The following LRP8 variants were observed in gnomAD, a reference collection of about 807,000 sequenced individuals.
LRP8 encodes low-density lipoprotein receptor-related protein 8.
Under a neutral mutation model 111.6 loss-of-function variants are expected in LRP8, and 46 were observed. The observed-to-expected ratio is 0.41, with a 90% CI of 0.33 to 0.53. The LOEUF (loss-of-function observed/expected upper bound fraction) is 0.53, where lower values mean the gene tolerates loss of function less well. Ranked by LOEUF, LRP8 falls within the 20% of genes least tolerant of loss-of-function variation. The pLI, the probability that LRP8 is intolerant of heterozygous loss-of-function variation, is 0.20. For synonymous variants in LRP8, 464 were observed against 511.2 expected, an observed-to-expected ratio of 0.91 and a Z score of 1.24; for missense variants, 959 against 1,297.4, an observed-to-expected ratio of 0.74 and a Z score of 4.01.
intron 2 of LRP8, among the ~76,000 whole-genome samples, chr1:53,321,986 GGC>G (rs1193366181): frequency 6.6e-6 from 1 of 152,100 alleles, no homozygotes; most frequent in African/African-American, 2.4e-5. Flanking sequence ...CCCTGGCTGA[GGC>G]GAGCACCAGC....
chr1:53,268,302 C>T (rs1030180273), intron 8 of LRP8: 4 of 152,166 alleles, frequency 2.6e-5, no homozygotes, highest in Admixed American at 2.6e-4. Context: ...TGACAGGAAC[C>T]CCCTGTGTTT....
chr1:53,266,699 C>G lies in LRP8; in HGVS notation c.1253-52G>C. 6.4e-7 allele frequency: 1 copy of G among 1,556,606 alleles called. No homozygotes were observed. Among genetic ancestry groups the G allele is most frequent in the South Asian group, 1.1e-5 (1 of 89,108 alleles). On this transcript the variant is annotated intron_variant, in intron 8 of 18. Coordinates refer to ENST00000306052, the MANE Select transcript of LRP8 (RefSeq NM_004631.5). The surrounding 1 kb of genome is among the most constrained non-coding windows in gnomAD (Gnocchi z 5.0). ...AAGAGTCAGTGCAAGAGGCAGGGAG[C>G]CTGGAGACCAAGACTCTGCCACTGG...
chr1:53,326,858 T>G lies in LRP8; in HGVS notation c.244+15A>C, dbSNP rs749510912. 6.2e-7 allele frequency: 1 copy of G among 1,610,940 alleles called. No homozygotes were observed. The highest frequency in any genetic ancestry group is 8.5e-7 in the Non-Finnish European group (1 of 1,178,976). The stretch of plus-strand genomic sequence containing the variant: ...TTTCTCTCCCCGGGTCTGAGCTCCC[T>G]GGCCCGCCACTCACGGCAGTCGTCC... On this transcript the variant is annotated intron_variant, in intron 2 of 18. Coordinates refer to ENST00000306052, the MANE Select transcript of LRP8 (RefSeq NM_004631.5).
At chr1:53,325,529 G>A (rs921481538) in intron 2 of LRP8, among the ~76,000 whole-genome samples, 2 of 152,244 alleles carry the variant, frequency 1.3e-5, no homozygotes, top group Non-Finnish European at 2.9e-5. Context: ...AAGTGGTCAG[G>A]TGAGGAAACT....
chr1:53,288,332 G>A (rs1300348731), intron 3 of LRP8: 1 of 152,278 alleles, frequency 6.6e-6, no homozygotes, highest in African/African-American at 2.4e-5. Flanking sequence ...TCACAAGTGG[G>A]CGTGGCAGGG....
At chr1:53,280,537 G>A (rs368682151) in intron 4 of LRP8, 50 bp downstream of exon 4, 2 of 1,595,764 alleles carry the variant, frequency 1.3e-6, no homozygotes, top group Non-Finnish European at 1.7e-6. Context: ...CACTCCCTGA[G>A]GCTGCCTGAC....
At position 53,249,377 on chromosome 1, in the gene LRP8, T is replaced by C. The variant is rs1645824544; in HGVS notation, c.2853+3A>G. 2.5e-6 allele frequency: 4 copies of C among 1,613,682 alleles called. No individual in the cohort carries two copies. Among genetic ancestry groups the C allele is most frequent in the African/African-American group, 1.3e-5 (1 of 74,938 alleles). Reference sequence around the variant, plus strand: ...CCTCAGACTTAGAGTGGCACTGCCCTACCTTGGATTTGACGACAGGCAGCT... The same window carrying C: ...CCTCAGACTTAGAGTGGCACTGCCCCACCTTGGATTTGACGACAGGCAGCT... On this transcript the variant is annotated splice_donor_region_variant and intron_variant, in intron 18 of 18. Transcript: ENST00000306052. This position sits in a 1 kb window ranked among gnomAD's most constrained non-coding sequence, Gnocchi z 4.1.
chr1:53,303,577 C>T lies in LRP8; in HGVS notation c.245-13888G>A, dbSNP rs1263512405. Among the ~76,000 whole-genome samples, 1 of 152,208 alleles carries T rather than the reference C, an allele frequency of 6.6e-6. No homozygotes were observed. Among genetic ancestry groups the T allele is most frequent in the Admixed American group, 6.5e-5 (1 of 15,282 alleles). Reference sequence around the variant, plus strand: ...TCTCCCTGTCTCAGGATCTGAGAATCGTAAAACACACAATTTACAAGTACT... The same window carrying T: ...TCTCCCTGTCTCAGGATCTGAGAATTGTAAAACACACAATTTACAAGTACT... On this transcript the variant is annotated intron_variant, in intron 2 of 18. Coordinates refer to ENST00000306052, the MANE Select transcript of LRP8 (RefSeq NM_004631.5). The surrounding 1 kb of genome is among the most constrained non-coding windows in gnomAD (Gnocchi z 4.3).
At chr1:53,278,759 T>C (rs1378720010) in intron 4 of LRP8, among the ~76,000 whole-genome samples, 1 of 78,492 alleles carries the variant, frequency 1.3e-5, no homozygotes, top group Non-Finnish European at 3.9e-5. Context: ...GAAGTGCTTT[T>C]TTTTTTTTTT....
rs191934879 is a variant in LRP8 at position 53,271,356 on chromosome 1, G to A, written c.1007-10C>T. The A allele has an allele frequency of 1.7e-5, 28 of 1,613,978 alleles. No individual in the cohort carries two copies. In the East Asian group the frequency reaches 5.6e-4, roughly 32 times the overall value. ...AGACACTCGTTCAGCCCTGGGGAGG[G>A]ACATGGGCTCCTGAAGGTCCAGGAG... On this transcript the variant is annotated splice_polypyrimidine_tract_variant and intron_variant, in intron 6 of 18. Coordinates refer to ENST00000306052, the MANE Select transcript of LRP8 (RefSeq NM_004631.5).
chr1:53,319,274 T>G (rs900043714), intron 2 of LRP8, among the ~76,000 whole-genome samples: 1 of 152,128 alleles, frequency 6.6e-6, no homozygotes, highest in Non-Finnish European at 1.5e-5. Flanking sequence ...AAGTCCCCTG[T>G]GGTACCTCAA....
chr1:53,311,980 A>T (rs1653086150), intron 2 of LRP8, among the ~76,000 whole-genome samples: 1 of 152,258 alleles, frequency 6.6e-6, no homozygotes, highest in South Asian at 2.1e-4. Context: ...GCACGTGGCC[A>T]GCGCCTCCAG....
intron 16 of LRP8, among the ~76,000 whole-genome samples, chr1:53,254,586 T>C (rs1646011066): frequency 6.6e-6 from 1 of 152,172 alleles, no homozygotes; most frequent in Non-Finnish European, 1.5e-5. Context: ...CTATAAACTT[T>C]TGTAGGACAG....
chr1:53,253,155 A>C (rs1645952541), intron 16 of LRP8, among the ~76,000 whole-genome samples: 1 of 152,184 alleles, frequency 6.6e-6, no homozygotes. Context: ...AAAAAGTTTA[A>C]AGTAGAAAAG....
chr1:53,277,273 A>C (rs1449702924), intron 4 of LRP8, among the ~76,000 whole-genome samples, 195 bp from the exon 5 acceptor site: 3 of 152,212 alleles, frequency 2.0e-5, no homozygotes, highest in African/African-American at 7.2e-5. Flanking sequence ...GACTGGCAAC[A>C]CACCTGCCCT....
At chr1:53,300,117 G>T (rs900830038) in intron 2 of LRP8, among the ~76,000 whole-genome samples, 1 of 152,184 alleles carries the variant, frequency 6.6e-6, no homozygotes, top group African/African-American at 2.4e-5. Flanking sequence ...AACTGCCTTA[G>T]CAGGGCACTC....
Position 53,262,185 on chromosome 1 carries a change from G to T in LRP8, c.1797C>A (p.Tyr599Ter). Residue 599 changes from tyrosine (Y) to a stop codon, truncating the protein, a stop_gained, in exon 12 of 19, where the codon TAC becomes TAA. Coordinates refer to ENST00000306052, the MANE Select transcript of LRP8 (RefSeq NM_004631.5). LOFTEE classifies it high-confidence loss of function. The surrounding 1 kb of genome is among the most constrained non-coding windows in gnomAD (Gnocchi z 4.8). ...ITLDLLSQRL[Y>*]WVDSKLHQLS... ...GTTGGTGTAGCTTGGAGTCTACCCAGTACAAGCGCTGGCTCAGCAGATCTT... is the reference window on the plus strand; with the variant it reads ...GTTGGTGTAGCTTGGAGTCTACCCATTACAAGCGCTGGCTCAGCAGATCTT... The T allele has an allele frequency of 1.9e-6, 3 of 1,613,698 alleles. No individual in the cohort carries two copies. The highest frequency in any genetic ancestry group is 1.7e-6 in the Non-Finnish European group (2 of 1,180,032).
At position 53,264,297 on chromosome 1, in the gene LRP8, C is replaced by T. The variant is rs1194383718; in HGVS notation, c.1527G>A (p.Lys509=). 1 of 1,614,180 alleles carries T rather than the reference C, an allele frequency of 6.2e-7. No homozygotes were observed. The highest frequency in any genetic ancestry group is 1.1e-5 in the South Asian group (1 of 91,084). The change falls in exon 10 of 19, where the codon AAG becomes AAA. Residue 509 remains lysine (K), a synonymous_variant. Coordinates refer to ENST00000306052, the MANE Select transcript of LRP8 (RefSeq NM_004631.5). Reference sequence around the variant, plus strand: ...TGCCCGAGTCAGTCCAGTAGATGTGCTTGTGGACCCAGTCCACTGCCAGGC... The same window carrying T: ...TGCCCGAGTCAGTCCAGTAGATGTGTTTGTGGACCCAGTCCACTGCCAGGC... ...PEGLAVDWVH[K]HIYWTDSGNK...
At chr1:53,312,563 G>T (rs1434911757) in intron 2 of LRP8, among the ~76,000 whole-genome samples, 3 of 150,266 alleles carry the variant, frequency 2.0e-5, no homozygotes, top group Non-Finnish European at 1.5e-5. Flanking sequence ...TCACTATGTT[G>T]CCCAGGCTGG....
Sources: gnomAD v4.1 joint callset for allele counts (sites outside exome capture counted in the v4.1 genomes callset) on GRCh38, gnomAD v4.1.1 for gene constraint, Gnocchi (gnomAD v3.1) non-coding constraint, MANE v1.5 for transcripts, NCBI Gene and HGNC (gene_info 2026-07-23, HGNC 2026-07-21) for gene names.